Variants in CLN6 observed in about 807,000 individuals in gnomAD.
The protein encoded by CLN6 is ceroid-lipofuscinosis neuronal protein 6.
Under a neutral mutation model 33.3 loss-of-function variants are expected in CLN6, and 22 were observed. The observed-to-expected ratio is 0.66, with a 90% confidence interval of 0.47 to 0.94. The LOEUF (loss-of-function observed/expected upper bound fraction) is 0.94, where lower values mean the gene tolerates loss of function less well. Ranked by LOEUF, CLN6 falls within the 40% of genes least tolerant of loss-of-function variation. The pLI is 0.00. For synonymous variants in CLN6, 201 were observed against 174.6 expected (o/e 1.15, Z -1.19); for missense variants, 387 against 417.1 (o/e 0.93, Z 0.63).
rs1892332732 is a variant in CLN6 at position 68,246,780 on chromosome 15, A to G, written c.179+9910T>C. Among the ~76,000 whole-genome samples the G allele has an allele frequency of 1.3e-5, 2 of 152,192 alleles. No homozygotes were observed. The highest frequency in any genetic ancestry group is 4.1e-4 in the South Asian group (2 of 4,836). On this transcript the variant is annotated intron_variant, in intron 1 of 6. Transcript: ENST00000538696. This position sits in a 1 kb window ranked among gnomAD's most constrained non-coding sequence, Gnocchi z 4.5. ...AATATAGAGAAAATCAATGAAATGA[A>G]AATTGGTTTTTTGAAAAGATAAACA...
rs74020081 is a variant in CLN6 at position 68,219,481 on chromosome 15, G to A, written c.84-831C>T. The stretch of plus-strand genomic sequence containing the variant: ...AGCAGGAAGTGGAGTACTGCCTCAC[G>A]ATACATCTTTGGAGGCCTGTCCCTC... On this transcript the variant is annotated intron_variant, in intron 1 of 6. Coordinates refer to ENST00000249806, the MANE Select transcript of CLN6 (RefSeq NM_017882.3). The surrounding 1 kb of genome is among the most constrained non-coding windows in gnomAD (Gnocchi z 4.2). Among the ~76,000 whole-genome samples the A allele has an allele frequency of 6.6e-5, 10 of 152,282 alleles. No individual in the cohort carries two copies. Among genetic ancestry groups the A allele is most frequent in the Non-Finnish European group, 1.5e-4 (10 of 68,022 alleles).
At chr15:68,235,082 G>A (rs1892205908) in intron 1 of CLN6, among the ~76,000 whole-genome samples, 1 of 152,118 alleles carries the variant, frequency 6.6e-6, no homozygotes, top group Non-Finnish European at 1.5e-5. Flanking sequence ...TACAATTCCT[G>A]TGTGCTAAAC....
intron 1 of CLN6, among the ~76,000 whole-genome samples, chr15:68,252,420 T>C (rs979163132): frequency 6.6e-6 from 1 of 152,220 alleles, no homozygotes; most frequent in African/African-American, 2.4e-5. Context: ...TAAATATAAA[T>C]AAATGCCACA....
At chr15:68,237,018 G>A (rs1249083952) in intron 1 of CLN6, among the ~76,000 whole-genome samples, 7 of 151,330 alleles carry the variant, frequency 4.6e-5, no homozygotes, top group East Asian at 3.9e-4. Context: ...TTAGCCGGGC[G>A]CGGTGGCGGG....
Position 68,220,840 on chromosome 15 carries a change from TG to T in CLN6, c.84-2191del, listed in dbSNP as rs1188442881. Among the ~76,000 whole-genome samples, 1 of 152,114 alleles carries T rather than the reference TG, an allele frequency of 6.6e-6. No homozygotes were observed. Among genetic ancestry groups the T allele is most frequent in the Non-Finnish European group, 1.5e-5 (1 of 68,022 alleles). On this transcript the variant is annotated intron_variant, in intron 1 of 6. Transcript: ENST00000249806. This position sits in a 1 kb window ranked among gnomAD's most constrained non-coding sequence, Gnocchi z 4.2. Reference sequence around the variant, plus strand: ...TTAATAGCTTGCTATTCTGTTTTTTTGTTTTGTTTTTTGGAGACAGGGTCAC... The same window carrying T: ...TTAATAGCTTGCTATTCTGTTTTTTTTTTTGTTTTTTGGAGACAGGGTCAC...
chr15:68,237,025 C>T (rs1427529966), intron 1 of CLN6, among the ~76,000 whole-genome samples: 5 of 151,140 alleles, frequency 3.3e-5, no homozygotes, highest in African/African-American at 7.3e-5. Context: ...GGCGCGGTGG[C>T]GGGCGCCTGT....
At chr15:68,218,171 G>A (rs1687884493) in intron 2 of CLN6, 1 of 273,134 alleles carries the variant, frequency 3.7e-6, no homozygotes, top group African/African-American at 2.2e-5. Context: ...GGAGACGGAG[G>A]TGGGGGTGCG....
chr15:68,230,234 G>A (rs1230530613), upstream of CLN6, among the ~76,000 whole-genome samples: 3 of 152,106 alleles, frequency 2.0e-5, no homozygotes, highest in African/African-American at 7.2e-5. This position sits in a 1 kb window ranked among gnomAD's most constrained non-coding sequence, Gnocchi z 4.0. Context: ...CTCTGGATGT[G>A]GGGGGTGAGG....
At position 68,247,688 on chromosome 15, in the gene CLN6, A is replaced by G. The variant is rs776662429; in HGVS notation, c.179+9002T>C. Among the ~76,000 whole-genome samples the G allele has an allele frequency of 9.9e-5, 15 of 152,168 alleles. No homozygotes were observed. The highest frequency in any genetic ancestry group is 2.1e-4 in the Non-Finnish European group (14 of 68,042). The stretch of plus-strand genomic sequence containing the variant: ...TAGAAAAAACAATCCTAAAATTCAT[A>G]TGGAACCACAAAAGACCCAGAATAG... On this transcript the variant is annotated intron_variant, in intron 1 of 6. Transcript: ENST00000538696. This position sits in a 1 kb window ranked among gnomAD's most constrained non-coding sequence, Gnocchi z 4.2.
chr15:68,227,100 C>T lies in CLN6; in HGVS notation c.83+2402G>A, dbSNP rs1199599538. On this transcript the variant is annotated intron_variant, in intron 1 of 6. Coordinates refer to ENST00000249806, the MANE Select transcript of CLN6 (RefSeq NM_017882.3). The surrounding 1 kb of genome is among the most constrained non-coding windows in gnomAD (Gnocchi z 4.1). ...TCATCCAGGCTGGAGTGCAGTGGCG[C>T]CATCTCGGCTCACTACAACCTCCGC... 9.2e-5 allele frequency among the ~76,000 whole-genome samples: 14 copies of T among 151,402 alleles called. No individual in the cohort carries two copies. Among genetic ancestry groups the T allele is most frequent in the Non-Finnish European group, 1.6e-4 (11 of 67,868 alleles).
upstream of CLN6, among the ~76,000 whole-genome samples, chr15:68,234,479 A>C (rs1347691313): frequency 2.0e-5 from 3 of 152,202 alleles, no homozygotes; most frequent in Non-Finnish European, 2.9e-5. This position sits in a 1 kb window ranked among gnomAD's most constrained non-coding sequence, Gnocchi z 4.1. Flanking sequence ...CTTGAACAAA[A>C]GCCCTAATAT....
At chr15:68,225,062 C>T (rs1490955671) in intron 1 of CLN6, among the ~76,000 whole-genome samples, 2 of 151,248 alleles carry the variant, frequency 1.3e-5, no homozygotes, top group African/African-American at 4.9e-5. Flanking sequence ...AAGCGGTAAC[C>T]CACAAATGGG....
chr15:68,239,357 G>A (rs1892261555), intron 1 of CLN6, among the ~76,000 whole-genome samples: 1 of 151,642 alleles, frequency 6.6e-6, no homozygotes, highest in South Asian at 2.1e-4. Flanking sequence ...ACACAGAAAA[G>A]ATGAAAGTAA....
rs1336957914 is a variant in CLN6, at chr15:68,241,101, AATAAC to A, written c.179+15584_179+15588del. Among the ~76,000 whole-genome samples, 3 of 152,218 alleles carry A rather than the reference AATAAC, an allele frequency of 2.0e-5. No individual in the cohort carries two copies. The highest frequency in any genetic ancestry group is 2.0e-4 in the Admixed American group (3 of 15,284). ...AGATGAAAAAGATAAACATGCCATAAATAACATTATGCTAGTAAATTTCAAAATTT... is the reference window on the plus strand; with the variant it reads ...AGATGAAAAAGATAAACATGCCATAAATTATGCTAGTAAATTTCAAAATTT... On this transcript the variant is annotated intron_variant, in intron 1 of 6. Transcript: ENST00000538696. This position sits in a 1 kb window ranked among gnomAD's most constrained non-coding sequence, Gnocchi z 4.2.
intron 1 of CLN6, 72 bp downstream of exon 1, chr15:68,229,430 C>A: frequency 8.3e-7 from 1 of 1,201,748 alleles, no homozygotes. Context: ...GCCCTAGGAG[C>A]GTCACGTGGC....
chr15:68,238,792 A>G (rs1385006656), intron 1 of CLN6, among the ~76,000 whole-genome samples: 1 of 152,238 alleles, frequency 6.6e-6, no homozygotes, highest in Non-Finnish European at 1.5e-5. Context: ...CTAAAAATAT[A>G]TAACTTATCA....
chr15:68,209,674 C>T lies in CLN6; in HGVS notation c.628G>A (p.Ala210Thr). ...CCACTGGGTGCCACCAGGAGCAGGG[C>T]AGGCCCTGGAATCAAGCTCTCAGCT... ...SKAESLIPGP[A>T]LLLVAPSGLY... is the part of the protein sequence containing the mutation. Residue 210 changes from alanine (A) to threonine (T), a missense_variant, in exon 6 of 7, where the codon GCC becomes ACC. Transcript: ENST00000249806. The surrounding 1 kb of genome is among the most constrained non-coding windows in gnomAD (Gnocchi z 4.9). 1 of 1,613,654 alleles carries T rather than the reference C, an allele frequency of 6.2e-7. No individual in the cohort carries two copies. The highest frequency in any genetic ancestry group is 1.3e-5 in the African/African-American group (1 of 75,040).
intron 1 of CLN6, chr15:68,254,942 C>G: frequency 9.9e-7 from 1 of 1,012,140 alleles, no homozygotes; most frequent in South Asian, 1.3e-5. Flanking sequence ...CTTCTGGTGA[C>G]TGTACAGTTT....
Position 68,256,209 on chromosome 15 carries a change from C to A in CLN6, c.179+481G>T, listed in dbSNP as rs1019763848. 1.3e-5 allele frequency among the ~76,000 whole-genome samples: 2 copies of A among 150,752 alleles called. No individual in the cohort carries two copies. Among genetic ancestry groups the A allele is most frequent in the South Asian group, 4.2e-4 (2 of 4,734 alleles). ...GCAACCTCTGCCTCCCAGGTTCAAG[C>A]GATTCTCTTGCCTCAGCCTCCCAAA... On this transcript the variant is annotated intron_variant, in intron 1 of 6. Coordinates refer to the CLN6 transcript ENST00000538696. This position sits in a 1 kb window ranked among gnomAD's most constrained non-coding sequence, Gnocchi z 4.1.
Sources: gnomAD v4.1 joint callset for allele counts (sites outside exome capture counted in the v4.1 genomes callset) on GRCh38, gnomAD v4.1.1 for gene constraint, Gnocchi (gnomAD v3.1) non-coding constraint, MANE v1.5 for transcripts, NCBI Gene and HGNC (gene_info 2026-07-23, HGNC 2026-07-21) for gene names.